VAC14: variants seen among roughly 807,000 people sequenced by gnomAD.
VAC14 encodes protein VAC14 homolog.
Under a neutral mutation model 85.3 loss-of-function variants are expected in VAC14, and 47 were observed. The observed-to-expected ratio is 0.55, with a 90% CI of 0.44 to 0.70. The LOEUF (loss-of-function observed/expected upper bound fraction) is 0.70, where lower values mean the gene tolerates loss of function less well. VAC14 is among the 30% of genes least tolerant of loss of function. The pLI, the probability that VAC14 is intolerant of heterozygous loss-of-function variation, is 0.00. For synonymous variants in VAC14, 447 were observed against 430.5 expected (o/e 1.04, Z -0.47); for missense variants, 861 against 1,004.3 (o/e 0.86, Z 1.93).
intron 1 of VAC14, among the ~76,000 whole-genome samples, chr16:70,788,304 T>C (rs1030618607): frequency 1.6e-4 from 25 of 152,146 alleles, no homozygotes; most frequent in Non-Finnish European, 1.5e-4. Flanking sequence ...CAGCCAATCA[T>C]ATGGAGCACC....
intron 9 of VAC14, among the ~76,000 whole-genome samples, chr16:70,777,458 T>C (rs1254721968): frequency 1.3e-5 from 2 of 152,180 alleles, no homozygotes; most frequent in Non-Finnish European, 2.9e-5. Context: ...CCAGGACTCA[T>C]AGGCAGGTTG....
At chr16:70,746,868 TG>T (rs1305551807) in intron 12 of VAC14, among the ~76,000 whole-genome samples, 1 of 148,146 alleles carries the variant, frequency 6.8e-6, no homozygotes, top group East Asian at 2.0e-4. Flanking sequence ...GAAATGGAGG[TG>T]GGGGGAGGAT....
chr16:70,782,909 A>G, intron 7 of VAC14, 124 bp downstream of exon 7: 1 of 903,708 alleles, frequency 1.1e-6, no homozygotes, highest in Admixed American at 2.2e-5. Context: ...ACACTGGCTA[A>G]TATTCCTACC....
chr16:70,710,521 CAAT>C (rs2054010698), intron 14 of VAC14, among the ~76,000 whole-genome samples: 1 of 152,240 alleles, frequency 6.6e-6, no homozygotes, highest in African/African-American at 2.4e-5. Context: ...CCGGCCCCAA[CAAT>C]GTCTGGCGAC....
chr16:70,773,877 C>T (rs1442073587), intron 9 of VAC14, among the ~76,000 whole-genome samples: 1 of 151,926 alleles, frequency 6.6e-6, no homozygotes, highest in Non-Finnish European at 1.5e-5. Context: ...AGATTGAGCC[C>T]ACCTCAGCTT....
At chr16:70,720,254 C>T (rs2054257259) in intron 14 of VAC14, among the ~76,000 whole-genome samples, 1 of 152,266 alleles carries the variant, frequency 6.6e-6, no homozygotes, top group East Asian at 1.9e-4. Flanking sequence ...GATCAGAGGG[C>T]TCATTCCCTG....
At chr16:70,698,596 T>G in intron 15 of VAC14, 41 bp downstream of exon 15, 7 of 1,609,466 alleles carry the variant, frequency 4.3e-6, no homozygotes, top group Non-Finnish European at 5.9e-6. Flanking sequence ...CCCCCTGGCA[T>G]GCAGGAGACG....
intron 9 of VAC14, chr16:70,778,892 G>T (rs1307572268): frequency 6.6e-6 from 1 of 152,120 alleles, no homozygotes; most frequent in Non-Finnish European, 1.5e-5. Context: ...TCAGTGAGAG[G>T]TCACAAAATA....
intron 12 of VAC14, among the ~76,000 whole-genome samples, chr16:70,757,752 G>C (rs1249510880): frequency 6.6e-6 from 1 of 152,222 alleles, no homozygotes; most frequent in East Asian, 1.9e-4. Flanking sequence ...ATGACCTCCT[G>C]CATCGGAGGA....
chr16:70,695,737 T>C (rs2053693923), intron 16 of VAC14, 114 bp from the exon 17 acceptor site: 1 of 994,364 alleles, frequency 1.0e-6, no homozygotes, highest in Admixed American at 2.2e-5. Context: ...CTGGTTGTGG[T>C]GAAGCAGGAT....
At chr16:70,726,300 C>A (rs576841583) in intron 14 of VAC14, among the ~76,000 whole-genome samples, 1 of 152,238 alleles carries the variant, frequency 6.6e-6, no homozygotes, top group Non-Finnish European at 1.5e-5. Context: ...GGAGCCGGGC[C>A]GGGCCGCTGG....
chr16:70,700,596 G>C (rs1283113162), intron 14 of VAC14, among the ~76,000 whole-genome samples: 2 of 152,218 alleles, frequency 1.3e-5, no homozygotes, highest in African/African-American at 4.8e-5. Context: ...TGTAAGGCTA[G>C]TCCTCTGGGG....
At chr16:70,781,007 TG>T (rs1218221511) in intron 8 of VAC14, 68 bp from the exon 9 acceptor site, 1 of 1,593,858 alleles carries the variant, frequency 6.3e-7, no homozygotes, top group African/African-American at 1.3e-5. Flanking sequence ...CTTGCTGAAA[TG>T]TGATTCCCAG....
At chr16:70,731,773 G>C in intron 13 of VAC14, 146 bp from the exon 14 acceptor site, 1 of 916,268 alleles carries the variant, frequency 1.1e-6, no homozygotes, top group African/African-American at 1.7e-5. Flanking sequence ...CTCTAATCAA[G>C]AGCCATGGAG....
intron 10 of VAC14, among the ~76,000 whole-genome samples, chr16:70,768,066 G>A (rs1039931799): frequency 1.3e-5 from 2 of 152,050 alleles, no homozygotes; most frequent in African/African-American, 4.8e-5. Context: ...TGTATGTTTT[G>A]TAGAAACAGG....
intron 9 of VAC14, among the ~76,000 whole-genome samples, chr16:70,775,602 G>A (rs187388094): frequency 5.2e-4 from 79 of 152,310 alleles, no homozygotes; most frequent in Non-Finnish European, 1.0e-3. Context: ...GGCTGGGCCC[G>A]CTCAGATGCT....
chr16:70,749,310 T>A (rs9932965), intron 12 of VAC14, among the ~76,000 whole-genome samples: 1 of 152,170 alleles, frequency 6.6e-6, no homozygotes, highest in African/African-American at 2.4e-5. Flanking sequence ...CCCACCCCAC[T>A]GCAGAGCACA....
chr16:70,801,157 T>C lies in VAC14; in HGVS notation c.-257A>G. ...CGAGACAGCGGCCATGTTACTCGAGTCACATGACTCTACAGCACTTCCGCC... is the reference window on the plus strand; with the variant it reads ...CGAGACAGCGGCCATGTTACTCGAGCCACATGACTCTACAGCACTTCCGCC... On this transcript the variant is annotated 5_prime_UTR_variant, in exon 1 of 19. Transcript: ENST00000261776. 2.5e-6 allele frequency: 1 copy of C among 393,518 alleles called. No homozygotes were observed. The highest frequency in any genetic ancestry group is 5.8e-5 in the South Asian group (1 of 17,264). The allele number at this position is 393,518 out of a possible 1,614,324, so 24.4% of individuals were successfully genotyped here. A position where few individuals can be genotyped will look rare whatever the true frequency, so the allele number is the denominator to read the frequency against.
chr16:70,769,609 T>C (rs1478435235), intron 10 of VAC14: 1 of 152,232 alleles, frequency 6.6e-6, no homozygotes. Context: ...TTAGGTAGGA[T>C]GGTTTGGATT....
Sources: gnomAD v4.1 joint callset for allele counts (sites outside exome capture counted in the v4.1 genomes callset) on GRCh38, gnomAD v4.1.1 for gene constraint, MANE v1.5 for transcripts, NCBI Gene and HGNC (gene_info 2026-07-23, HGNC 2026-07-21) for gene names.